PLPP4: variants seen among roughly 807,000 people sequenced by gnomAD.
The protein encoded by PLPP4 is diacylglycerol pyrophosphate like 2.
A neutral mutation model predicts 32.2 loss-of-function variants in PLPP4; 20 were observed. That is an observed-to-expected ratio of 0.62 (90% CI 0.44 to 0.90). PLPP4 has a LOEUF of 0.90. Among genes scored for constraint, PLPP4 ranks in the 40% least tolerant of loss-of-function variants. PLPP4 has a pLI of 0.00. For synonymous variants in PLPP4, 127 were observed against 133.0 expected, an observed-to-expected ratio of 0.95 and a Z score of 0.31; for missense variants, 257 against 353.1, an observed-to-expected ratio of 0.73 and a Z score of 2.18.
chr10:120,516,204 G>A (rs1451846818), intron 3 of PLPP4, among the ~76,000 whole-genome samples: 2 of 152,168 alleles, frequency 1.3e-5, no homozygotes, highest in African/African-American at 4.8e-5. Context: ...GCCAAGGACA[G>A]AAAACAGGGT....
intron 4 of PLPP4, 36 bp downstream of exon 4, chr10:120,518,932 T>C (rs770781617): frequency 7.1e-6 from 11 of 1,559,706 alleles, no homozygotes; most frequent in Non-Finnish European, 8.8e-6. Flanking sequence ...TGACTTAGAC[T>C]ATCAAGGTCA....
chr10:120,580,037 G>C (rs533920208), intron 6 of PLPP4, among the ~76,000 whole-genome samples: 11 of 149,438 alleles, frequency 7.4e-5, no homozygotes, highest in Non-Finnish European at 1.2e-4. Flanking sequence ...GGAGAATGGC[G>C]TGAACCTGGG....
intron 4 of PLPP4, among the ~76,000 whole-genome samples, chr10:120,520,675 A>T (rs1006709799): frequency 6.6e-6 from 1 of 152,138 alleles, no homozygotes; most frequent in African/African-American, 2.4e-5. Context: ...TTGGGTCAGT[A>T]TTGATTTCCC....
chr10:120,503,564 C>A (rs1453508430), intron 1 of PLPP4: 2 of 1,607,402 alleles, frequency 1.2e-6, no homozygotes, highest in South Asian at 1.1e-5. Flanking sequence ...TTTGTACACA[C>A]AAAGCTACTC....
intron 1 of PLPP4, among the ~76,000 whole-genome samples, chr10:120,500,598 C>G (rs1845197142): frequency 7.3e-6 from 1 of 136,520 alleles, no homozygotes; most frequent in South Asian, 2.4e-4. Flanking sequence ...TCTGGGATAC[C>G]TGCTGTGGGG....
At chr10:120,523,144 A>G (rs1372381262) in intron 5 of PLPP4, among the ~76,000 whole-genome samples, 2 of 152,078 alleles carry the variant, frequency 1.3e-5, no homozygotes, top group Non-Finnish European at 2.9e-5. Flanking sequence ...AAAAACACAC[A>G]CAAAAAAATT....
intron 1 of PLPP4, among the ~76,000 whole-genome samples, chr10:120,481,922 T>C (rs935364668): frequency 6.6e-6 from 1 of 152,126 alleles, no homozygotes; most frequent in East Asian, 1.9e-4. Flanking sequence ...GATCTGATGG[T>C]TCTATAAGGG....
intron 5 of PLPP4, among the ~76,000 whole-genome samples, chr10:120,524,972 G>A (rs922928994): frequency 2.0e-5 from 3 of 152,200 alleles, no homozygotes; most frequent in African/African-American, 7.2e-5. Flanking sequence ...ATGCTAAGTC[G>A]AGGTATTAAG....
intron 1 of PLPP4, among the ~76,000 whole-genome samples, chr10:120,471,332 C>A (rs979196157): frequency 3.7e-5 from 5 of 134,018 alleles, no homozygotes; most frequent in African/African-American, 5.1e-5. Context: ...GTTTTATCCC[C>A]TTTGTTTCTT....
chr10:120,582,828 TTTC>T (rs1849582643), intron 6 of PLPP4, among the ~76,000 whole-genome samples: 1 of 131,504 alleles, frequency 7.6e-6, no homozygotes, highest in African/African-American at 2.8e-5. Context: ...CCTTCTCTCC[TTTC>T]TTCTTGTCAT....
chr10:120,479,305 C>G (rs1844093781), intron 1 of PLPP4, among the ~76,000 whole-genome samples: 1 of 152,156 alleles, frequency 6.6e-6, no homozygotes, highest in Admixed American at 6.5e-5. Flanking sequence ...AAATCGTCCT[C>G]CAGAAATAAT....
intron 4 of PLPP4, among the ~76,000 whole-genome samples, chr10:120,519,575 T>A (rs984021420): frequency 6.6e-6 from 1 of 152,076 alleles, no homozygotes; most frequent in Non-Finnish European, 1.5e-5. Flanking sequence ...TGTGTTCCCT[T>A]AACTTTGTGT....
At chr10:120,550,997 A>C (rs2133985653) in intron 5 of PLPP4, among the ~76,000 whole-genome samples, 1 of 152,260 alleles carries the variant, frequency 6.6e-6, no homozygotes, top group Admixed American at 6.5e-5. Flanking sequence ...CATATGTCTC[A>C]AAAGGACTTG....
At chr10:120,502,391 C>A (rs1845296154) in intron 1 of PLPP4, among the ~76,000 whole-genome samples, 1 of 152,102 alleles carries the variant, frequency 6.6e-6, no homozygotes, top group Admixed American at 6.5e-5. Flanking sequence ...AGAGACACAG[C>A]AGATGGGTGG....
chr10:120,536,005 G>A (rs1846999645), intron 5 of PLPP4, among the ~76,000 whole-genome samples: 1 of 151,904 alleles, frequency 6.6e-6, no homozygotes, highest in Admixed American at 6.6e-5. Flanking sequence ...GACATCTTTT[G>A]GGAAATGGAC....
At chr10:120,497,900 C>T (rs1216814018) in intron 1 of PLPP4, among the ~76,000 whole-genome samples, 6 of 151,980 alleles carry the variant, frequency 3.9e-5, no homozygotes, top group African/African-American at 7.3e-5. Context: ...ATTAGCCAGG[C>T]GTGGTGGCCA....
intron 5 of PLPP4, among the ~76,000 whole-genome samples, chr10:120,560,779 T>C (rs1349232992): frequency 6.6e-6 from 1 of 151,890 alleles, no homozygotes; most frequent in Non-Finnish European, 1.5e-5. Context: ...AAAAAAATAG[T>C]GGTATTAATT....
intron 5 of PLPP4, among the ~76,000 whole-genome samples, chr10:120,557,022 C>T (rs1848194339): frequency 6.6e-6 from 1 of 152,012 alleles, no homozygotes; most frequent in African/African-American, 2.4e-5. Context: ...TATTTTATTT[C>T]ATTCTAATGT....
chr10:120,522,236 C>A (rs1445759664), intron 5 of PLPP4, among the ~76,000 whole-genome samples: 1 of 152,134 alleles, frequency 6.6e-6, no homozygotes, highest in African/African-American at 2.4e-5. Flanking sequence ...CGAGACACAT[C>A]CTACTAATGG....
Sources: allele counts gnomAD v4.1 joint callset (sites outside exome capture counted in the v4.1 genomes callset), GRCh38; gene constraint gnomAD v4.1.1; transcripts MANE v1.5; gene names NCBI Gene and HGNC (gene_info 2026-07-23, HGNC 2026-07-21).